The following FAAH2 variants were observed in gnomAD, a reference collection of about 807,000 sequenced individuals.
FAAH2 encodes fatty acid amide hydrolase 2, also known as fatty-acid amide hydrolase 2.
Under a neutral mutation model 36.9 loss-of-function variants are expected in FAAH2, and 60 were observed. The observed-to-expected ratio is 1.63, with a 90% CI of 1.32 to 2.02. The LOEUF is 2.02. Among genes scored for constraint, FAAH2 ranks in the 30% most tolerant of loss-of-function variants. The pLI, the probability that FAAH2 is intolerant of heterozygous loss-of-function variation, is 0.00. For synonymous variants in FAAH2, 214 were observed against 143.8 expected (o/e 1.49, Z -3.49); for missense variants, 689 against 397.5 (o/e 1.73, Z -6.23).
chrX:57,429,421 AC>A (rs1417508931), intron 7 of FAAH2, among the ~76,000 whole-genome samples: 11 of 111,579 alleles, frequency 9.9e-5, no homozygotes. Context: ...CAAATGGCCA[AC>A]AAACACATAA....
At chrX:57,424,210 T>C (rs753229016) in intron 7 of FAAH2, among the ~76,000 whole-genome samples, 1 of 112,392 alleles carries the variant, frequency 8.9e-6, no homozygotes, top group Admixed American at 9.4e-5. Context: ...CTTTTTTTGG[T>C]GTCCACCACT....
intron 7 of FAAH2, among the ~76,000 whole-genome samples, chrX:57,390,414 G>C (rs185487709): frequency 1.8e-5 from 2 of 111,162 alleles, no homozygotes; most frequent in Non-Finnish European, 3.8e-5. Flanking sequence ...TGAAGTTTGG[G>C]CTTCTAGTGT....
the FAAH2 span, among the ~76,000 whole-genome samples, chrX:57,278,917 G>A: frequency 9.0e-6 from 1 of 111,692 alleles, no homozygotes; most frequent in Non-Finnish European, 1.9e-5. Flanking sequence ...ACCATCTCAC[G>A]CCAGATAGAA....
At chrX:57,139,561 C>T in the FAAH2 span, among the ~76,000 whole-genome samples, 1 of 111,326 alleles carries the variant, frequency 9.0e-6, no homozygotes, top group Admixed American at 9.6e-5. Context: ...TCACGCCATT[C>T]TCCTGCCTCA....
chrX:57,425,275 A>G (rs1024014134), intron 7 of FAAH2, among the ~76,000 whole-genome samples: 5 of 112,035 alleles, frequency 4.5e-5, no homozygotes. Context: ...AATAAAAAAC[A>G]CAACAAGATT....
At chrX:57,327,727 G>A (rs2053259810) in intron 3 of FAAH2, among the ~76,000 whole-genome samples, 1 of 111,112 alleles carries the variant, frequency 9.0e-6, no homozygotes, top group Non-Finnish European at 1.9e-5. Context: ...GATTATTGTA[G>A]TTAGCCATTC....
chrX:57,195,298 G>T, the FAAH2 span, among the ~76,000 whole-genome samples: 3 of 110,574 alleles, frequency 2.7e-5, no homozygotes, highest in Non-Finnish European at 5.7e-5. Context: ...TTAAATTATC[G>T]CCATTCTTGT....
At chrX:57,129,480 CAACTT>C in the FAAH2 span, among the ~76,000 whole-genome samples, 1 of 111,955 alleles carries the variant, frequency 8.9e-6, no homozygotes, top group Non-Finnish European at 1.9e-5. Flanking sequence ...TATAATGAGT[CAACTT>C]ATGTATGCAA....
intron 8 of FAAH2, among the ~76,000 whole-genome samples, chrX:57,433,894 C>A (rs1197815965): frequency 9.0e-6 from 1 of 111,138 alleles, no homozygotes; most frequent in Non-Finnish European, 1.9e-5. Context: ...TAAGAACAAT[C>A]CCCTATTCCC....
chrX:57,394,782 C>A (rs2055253300), intron 7 of FAAH2: 1 of 973,326 alleles, frequency 1.0e-6, no homozygotes, highest in Non-Finnish European at 1.5e-6. Context: ...GTTGCAACCA[C>A]CAGGATGTCG....
intron 7 of FAAH2, among the ~76,000 whole-genome samples, chrX:57,383,221 T>C (rs1199819964): frequency 1.8e-5 from 2 of 112,066 alleles, no homozygotes; most frequent in Non-Finnish European, 3.8e-5. Flanking sequence ...GCCAATATCA[T>C]ACTGAATGGC....
chrX:57,388,256 T>C (rs2055075223), intron 7 of FAAH2, among the ~76,000 whole-genome samples: 1 of 111,447 alleles, frequency 9.0e-6, no homozygotes, highest in Admixed American at 9.6e-5. Context: ...AGAGGGAGCT[T>C]TTTTGATTTT....
intron 5 of FAAH2, among the ~76,000 whole-genome samples, chrX:57,349,002 G>T (rs183291337): frequency 2.8e-3 from 287 of 102,847 alleles, no homozygotes; most frequent in African/African-American, 9.4e-3. Flanking sequence ...AGATGCAAGA[G>T]AAGTCTGAAT....
rs773897841 is a variant in FAAH2, at chrX:57,486,940, C to T, written c.1424-1817C>T. Among the ~76,000 whole-genome samples the T allele has an allele frequency of 5.4e-5, 6 of 111,676 alleles. No individual in the cohort carries two copies. In the South Asian group the frequency reaches 2.2e-3, roughly 42 times the overall value. ...TGACGGGGACTGGAACTGCAGAACT[C>T]CTCCTATTCCGTTATCTTGCTGACA... On this transcript the variant is annotated intron_variant, in intron 10 of 10. Transcript: ENST00000374900.
chrX:57,185,488 C>CTGTGTGTG, the FAAH2 span, among the ~76,000 whole-genome samples: 2 of 94,013 alleles, frequency 2.1e-5, no homozygotes, highest in African/African-American at 8.6e-5. Context: ...CTCTCTGTCT[C>CTGTGTGTG]TGTGTGTGTG....
At chrX:57,218,365 G>C in the FAAH2 span, among the ~76,000 whole-genome samples, 1 of 111,753 alleles carries the variant, frequency 8.9e-6, no homozygotes, top group Non-Finnish European at 1.9e-5. Flanking sequence ...CTACATTAAG[G>C]TATGTCCCTT....
chrX:57,401,998 TG>T (rs1310751511), intron 7 of FAAH2, among the ~76,000 whole-genome samples: 5 of 111,141 alleles, frequency 4.5e-5, no homozygotes, highest in African/African-American at 1.6e-4. Context: ...CCTTGGATAG[TG>T]ACAGATCTGG....
chrX:57,469,402 A>T (rs934124461), intron 10 of FAAH2, among the ~76,000 whole-genome samples: 1 of 111,723 alleles, frequency 9.0e-6, no homozygotes, highest in African/African-American at 3.3e-5. Flanking sequence ...GGATGGAGGA[A>T]GATCTACCAA....
intron 10 of FAAH2, among the ~76,000 whole-genome samples, chrX:57,474,273 T>C: frequency 9.0e-6 from 1 of 111,393 alleles, no homozygotes; most frequent in Non-Finnish European, 1.9e-5. Context: ...ACATGTGCCA[T>C]GGTGGTTTCC....
Sources: allele counts gnomAD v4.1 joint callset (sites outside exome capture counted in the v4.1 genomes callset), GRCh38; gene constraint gnomAD v4.1.1; transcripts MANE v1.5; gene names NCBI Gene and HGNC (gene_info 2026-07-23, HGNC 2026-07-21).